The following NKAIN3 variants were observed in gnomAD, a reference collection of about 807,000 sequenced individuals.
The protein encoded by NKAIN3 is sodium/potassium-transporting ATPase subunit beta-1-interacting protein 3.
NKAIN3 carries 25 observed loss-of-function variants against 30.2 expected under a neutral mutation model. The ratio of observed to expected loss-of-function variants is 0.83; its 90% CI spans 0.60 to 1.16. The LOEUF is 1.16. NKAIN3 is among the 50% of genes most tolerant of loss of function. NKAIN3 has a pLI of 0.00. For synonymous variants in NKAIN3, 91 were observed against 89.6 expected (o/e 1.02, Z -0.09); for missense variants, 225 against 254.1 (o/e 0.89, Z 0.78).
intron 3 of NKAIN3, among the ~76,000 whole-genome samples, chr8:62,610,742 C>T (rs1037843566): frequency 6.6e-6 from 1 of 151,998 alleles, no homozygotes; most frequent in African/African-American, 2.4e-5. Context: ...TTCTCTTTTC[C>T]TTGTGTTTCC....
intron 5 of NKAIN3, among the ~76,000 whole-genome samples, chr8:62,932,315 A>C (rs1300917888): frequency 3.3e-5 from 5 of 152,234 alleles, no homozygotes; most frequent in African/African-American, 1.2e-4. Flanking sequence ...AGAAGATCTT[A>C]CATTCTAATA....
At chr8:62,648,903 G>A (rs1358611991) in intron 3 of NKAIN3, among the ~76,000 whole-genome samples, 1 of 152,112 alleles carries the variant, frequency 6.6e-6, no homozygotes, top group East Asian at 1.9e-4. Flanking sequence ...TGAGACAGAG[G>A]GTGGTGTTGG....
chr8:62,282,178 T>C (rs575716541), intron 1 of NKAIN3, among the ~76,000 whole-genome samples: 1 of 152,206 alleles, frequency 6.6e-6, no homozygotes, highest in East Asian at 1.9e-4. Flanking sequence ...CATATTACAA[T>C]AGAAAACCCA....
At chr8:62,642,087 A>T (rs1286391246) in intron 3 of NKAIN3, among the ~76,000 whole-genome samples, 2 of 152,142 alleles carry the variant, frequency 1.3e-5, no homozygotes, top group African/African-American at 4.8e-5. Flanking sequence ...TTAAAAAAAT[A>T]AAGATAATAC....
downstream of NKAIN3, among the ~76,000 whole-genome samples, chr8:62,986,629 TG>T (rs1824205309): frequency 6.6e-6 from 1 of 152,218 alleles, no homozygotes; most frequent in Admixed American, 6.5e-5. Flanking sequence ...TTTCATCTTT[TG>T]CCTGTGTCAC....
At chr8:62,777,743 T>C (rs1369056596) in intron 4 of NKAIN3, among the ~76,000 whole-genome samples, 2 of 152,154 alleles carry the variant, frequency 1.3e-5, no homozygotes, top group African/African-American at 4.8e-5. Flanking sequence ...CTTGATAGCC[T>C]TGATACTTGT....
chr8:62,617,886 A>T (rs951410139), intron 3 of NKAIN3, among the ~76,000 whole-genome samples: 4 of 152,200 alleles, frequency 2.6e-5, no homozygotes, highest in Non-Finnish European at 5.9e-5. Flanking sequence ...GACATGAGAG[A>T]TTTATGACTA....
intron 3 of NKAIN3, among the ~76,000 whole-genome samples, chr8:62,714,851 T>C (rs967195135): frequency 6.6e-6 from 1 of 152,226 alleles, no homozygotes; most frequent in African/African-American, 2.4e-5. Context: ...ATGCTACAAG[T>C]ATGAGAAACT....
At chr8:62,335,660 A>G (rs1273971489) in intron 1 of NKAIN3, among the ~76,000 whole-genome samples, 1 of 151,982 alleles carries the variant, frequency 6.6e-6, no homozygotes, top group Non-Finnish European at 1.5e-5. Flanking sequence ...TTTAAAAAAG[A>G]AAATGGGAAA....
chr8:62,557,426 T>C (rs1809435640), intron 1 of NKAIN3, among the ~76,000 whole-genome samples: 1 of 152,144 alleles, frequency 6.6e-6, no homozygotes, highest in Non-Finnish European at 1.5e-5. Context: ...TACCCTGTAA[T>C]GGGATTGCTG....
intron 1 of NKAIN3, among the ~76,000 whole-genome samples, chr8:62,333,821 T>A (rs1425524481): frequency 1.3e-5 from 2 of 152,128 alleles, no homozygotes; most frequent in African/African-American, 4.8e-5. Context: ...ACAAGTCGCA[T>A]TTTGGAGAAT....
At chr8:62,286,156 G>A (rs780671179) in intron 1 of NKAIN3, among the ~76,000 whole-genome samples, 2 of 152,118 alleles carry the variant, frequency 1.3e-5, no homozygotes, top group Non-Finnish European at 2.9e-5. Context: ...GAATACAACA[G>A]AATATTATCA....
chr8:62,650,881 T>G (rs1313138947), intron 3 of NKAIN3, among the ~76,000 whole-genome samples: 1 of 152,156 alleles, frequency 6.6e-6, no homozygotes, highest in African/African-American at 2.4e-5. Context: ...ATTGAGAATA[T>G]TCTAGAAAAA....
intron 3 of NKAIN3, among the ~76,000 whole-genome samples, chr8:62,680,642 A>G (rs368009122): frequency 4.6e-5 from 7 of 152,174 alleles, no homozygotes; most frequent in African/African-American, 1.4e-4. Flanking sequence ...CTTACATTAT[A>G]TGATAGGATT....
chr8:62,310,756 C>T (rs1814401787), intron 1 of NKAIN3, among the ~76,000 whole-genome samples: 1 of 150,284 alleles, frequency 6.7e-6, no homozygotes, highest in Admixed American at 6.6e-5. Context: ...AGTGTGTACT[C>T]ATCTGAAATG....
intron 3 of NKAIN3, among the ~76,000 whole-genome samples, chr8:62,627,244 ATTTAAATGTC>A (rs920908086): frequency 1.3e-5 from 2 of 152,274 alleles, no homozygotes; most frequent in East Asian, 1.9e-4. Context: ...AAGTAAATGT[ATTTAAATGTC>A]TTTAAATGTC....
At chr8:62,441,270 G>T (rs1465033797) in intron 1 of NKAIN3, among the ~76,000 whole-genome samples, 1 of 151,808 alleles carries the variant, frequency 6.6e-6, no homozygotes, top group Non-Finnish European at 1.5e-5. Flanking sequence ...ATTTTATTTT[G>T]TTTTTCGGTA....
At chr8:62,647,050 T>C (rs1357759181) in intron 3 of NKAIN3, among the ~76,000 whole-genome samples, 1 of 152,164 alleles carries the variant, frequency 6.6e-6, no homozygotes, top group Non-Finnish European at 1.5e-5. Flanking sequence ...CACTCTGTAT[T>C]TCACCAAATA....
chr8:62,335,950 G>C (rs1369519235), intron 1 of NKAIN3, among the ~76,000 whole-genome samples: 1 of 151,964 alleles, frequency 6.6e-6, no homozygotes, highest in South Asian at 2.1e-4. Context: ...TAGTTGAAAG[G>C]GTTCATCAGG....
Sources: allele counts gnomAD v4.1 joint callset (sites outside exome capture counted in the v4.1 genomes callset), GRCh38; gene constraint gnomAD v4.1.1; transcripts MANE v1.5; gene names NCBI Gene and HGNC (gene_info 2026-07-23, HGNC 2026-07-21).